Variants in TMEM108 observed in about 807,000 individuals in gnomAD.
TMEM108 encodes the protein cancer/testis antigen 124.
TMEM108 carries 12 observed loss-of-function variants against 35.1 expected under a neutral mutation model. The ratio of observed to expected loss-of-function variants is 0.34; its 90% CI spans 0.22 to 0.55. TMEM108 has a LOEUF of 0.55. TMEM108 is among the 20% of genes least tolerant of loss of function. The pLI is 0.89. For missense variants in TMEM108, 680 were observed against 753.3 expected (o/e 0.90, Z 1.14); for synonymous variants, 287 against 308.6 (o/e 0.93, Z 0.73).
intron 3 of TMEM108, among the ~76,000 whole-genome samples, chr3:133,321,749 A>G (rs991801818): frequency 2.6e-5 from 4 of 152,168 alleles, no homozygotes; most frequent in Non-Finnish European, 4.4e-5. Context: ...ATCACATGGA[A>G]CATTCTCCAA....
rs78901348 is a variant in TMEM108, at chr3:133,135,387, G to A, written c.-47+89367G>A. Among the ~76,000 whole-genome samples the A allele has an allele frequency of 1.7e-3, 260 of 152,266 alleles. 1 individual carries two copies. The highest frequency in any genetic ancestry group is 5.7e-3 in the African/African-American group (236 of 41,544). ...ACTAACTCTAGAGAGTGAGGAGAGCGTCTCAGGAACAATAAGTGTACATTA... is the reference window on the plus strand; with the variant it reads ...ACTAACTCTAGAGAGTGAGGAGAGCATCTCAGGAACAATAAGTGTACATTA... On this transcript the variant is annotated intron_variant, in intron 2 of 5. Transcript: ENST00000321871.
chr3:133,241,921 G>A (rs903500255), intron 3 of TMEM108, among the ~76,000 whole-genome samples: 2 of 152,036 alleles, frequency 1.3e-5, no homozygotes, highest in African/African-American at 4.8e-5. Context: ...GCCTCCTGTG[G>A]CTTCTACAAC....
At position 133,363,702 on chromosome 3, in the gene TMEM108, G is replaced by A. The variant is rs145498185; in HGVS notation, c.41-16050G>A. 2.6e-3 allele frequency among the ~76,000 whole-genome samples: 397 copies of A among 152,066 alleles called. 1 individual carries two copies. Among genetic ancestry groups the A allele is most frequent in the African/African-American group, 8.6e-3 (358 of 41,478 alleles). On this transcript the variant is annotated intron_variant, in intron 3 of 5. Coordinates refer to ENST00000321871, the MANE Select transcript of TMEM108 (RefSeq NM_023943.4). The stretch of plus-strand genomic sequence containing the variant: ...GTTATAAGCATAAGCAACTGCTCCC[G>A]GCCTGTTATTATTTTTATAGCAAAG...
In TMEM108 at chr3:133,176,485, G is replaced by A. The variant is rs531266271; in HGVS notation, c.-46-52781G>A. Among the ~76,000 whole-genome samples, 14 of 152,310 alleles carry A rather than the reference G, an allele frequency of 9.2e-5. No individual in the cohort carries two copies. The South Asian group carries it at 2.3e-3, about 25-fold the overall frequency. On this transcript the variant is annotated intron_variant, in intron 2 of 5. Transcript: ENST00000321871. ...ACATTGTCTCTCAGACCACAGTGCA[G>A]TCAAACTAGAACTCAGGATTCAGAA...
At chr3:133,249,637 GT>G (rs1333924757) in intron 3 of TMEM108, among the ~76,000 whole-genome samples, 1 of 152,148 alleles carries the variant, frequency 6.6e-6, no homozygotes, top group Non-Finnish European at 1.5e-5. Context: ...AGAGGACATG[GT>G]TTTATTCTTT....
chr3:133,227,351 G>A lies in TMEM108; in HGVS notation c.-46-1915G>A, dbSNP rs1201605710. On this transcript the variant is annotated intron_variant, in intron 2 of 5. Coordinates refer to ENST00000321871, the MANE Select transcript of TMEM108 (RefSeq NM_023943.4). ...TGGGACTACAGGCGCCCACCACCTC[G>A]CCCGGCTAATTTTTTGTATTTTTAG... Among the ~76,000 whole-genome samples, 54 of 150,476 alleles carry A rather than the reference G, an allele frequency of 3.6e-4. No individual in the cohort carries two copies. The Middle Eastern group carries it at 0.014, about 38-fold the overall frequency.
chr3:133,056,240 A>T (rs982698001), intron 2 of TMEM108, among the ~76,000 whole-genome samples: 1 of 146,974 alleles, frequency 6.8e-6, no homozygotes. Flanking sequence ...TACTCTTTCT[A>T]TGCGCAAACA....
chr3:133,234,876 T>C (rs984389065), intron 3 of TMEM108, among the ~76,000 whole-genome samples: 2 of 152,200 alleles, frequency 1.3e-5, no homozygotes, highest in Admixed American at 1.3e-4. Flanking sequence ...GCCCAAAATC[T>C]GCTTAAGCTG....
intron 3 of TMEM108, among the ~76,000 whole-genome samples, chr3:133,349,015 A>G (rs2071906442): frequency 6.6e-6 from 1 of 152,166 alleles, no homozygotes; most frequent in Non-Finnish European, 1.5e-5. Context: ...TCTAGCCTTG[A>G]CATATTAAAA....
intron 2 of TMEM108, among the ~76,000 whole-genome samples, chr3:133,092,736 C>T (rs1943964971): frequency 6.6e-6 from 1 of 152,122 alleles, no homozygotes; most frequent in African/African-American, 2.4e-5. Context: ...TAACCATTGC[C>T]TATTGTGGGA....
At chr3:133,307,458 C>T (rs1478676921) in intron 3 of TMEM108, among the ~76,000 whole-genome samples, 1 of 152,124 alleles carries the variant, frequency 6.6e-6, no homozygotes, top group Non-Finnish European at 1.5e-5. Context: ...TGCCTGTGTC[C>T]TGAATGGTAT....
intron 3 of TMEM108, among the ~76,000 whole-genome samples, chr3:133,370,871 AGTGTGTGTGTGTGTGTGTGTGTGTGTGT>A (rs71624013): frequency 2.4e-5 from 3 of 125,466 alleles, no homozygotes; most frequent in Admixed American, 8.3e-5. Flanking sequence ...CCCAGCCCAT[AGTGTGTGTGTGTGTGTGTGTGTGTGTGT>A]GTGTGTGTGT....
intron 2 of TMEM108, among the ~76,000 whole-genome samples, chr3:133,109,574 C>T (rs1944201314): frequency 2.0e-5 from 3 of 152,156 alleles, no homozygotes; most frequent in South Asian, 2.1e-4. Context: ...CAGAGATATT[C>T]CTTGGAAACT....
chr3:133,379,394 G>A (rs1053065185), intron 3 of TMEM108, among the ~76,000 whole-genome samples: 2 of 152,234 alleles, frequency 1.3e-5, no homozygotes, highest in African/African-American at 4.8e-5. Flanking sequence ...AGAGGCAGAT[G>A]TGGAGGCCAC....
intron 3 of TMEM108, among the ~76,000 whole-genome samples, chr3:133,327,380 A>G (rs1422688137): frequency 6.6e-6 from 1 of 152,188 alleles, no homozygotes; most frequent in Non-Finnish European, 1.5e-5. Flanking sequence ...AGAAGTATGT[A>G]AATACCAGTT....
At chr3:133,342,939 T>C (rs968604429) in intron 3 of TMEM108, among the ~76,000 whole-genome samples, 2 of 151,678 alleles carry the variant, frequency 1.3e-5, no homozygotes, top group African/African-American at 2.4e-5. Context: ...AAAGAAATGA[T>C]AGATGTTTGA....
intron 3 of TMEM108, among the ~76,000 whole-genome samples, chr3:133,270,794 TACAC>T (rs71624011): frequency 0.22 from 33,169 of 148,220 alleles, 4,146 homozygotes; most frequent in Middle Eastern, 0.32. Context: ...TCGAAGAATG[TACAC>T]ACACACACAC....
Position 133,226,964 on chromosome 3 carries a change from G to T in TMEM108, c.-46-2302G>T, listed in dbSNP as rs374073190. ...TGGCAGGCAAAGAGAGAGAGCTTGT[G>T]CAGGGAAACTCCCATTTTTAAAACC... is the stretch of plus-strand genomic sequence containing the variant. On this transcript the variant is annotated intron_variant, in intron 2 of 5. Coordinates refer to ENST00000321871, the MANE Select transcript of TMEM108 (RefSeq NM_023943.4). Among the ~76,000 whole-genome samples, 10 of 152,116 alleles carry T rather than the reference G, an allele frequency of 6.6e-5. No homozygotes were observed. In the East Asian group the frequency reaches 1.9e-3, roughly 29 times the overall value.
At chr3:133,183,578 G>T (rs1291851820) in intron 2 of TMEM108, among the ~76,000 whole-genome samples, 1 of 152,162 alleles carries the variant, frequency 6.6e-6, no homozygotes, top group East Asian at 1.9e-4. Flanking sequence ...AGAATGAAAA[G>T]GGGGTAGAAG....
Sources: gnomAD v4.1 joint callset for allele counts (sites outside exome capture counted in the v4.1 genomes callset) on GRCh38, gnomAD v4.1.1 for gene constraint, MANE v1.5 for transcripts, NCBI Gene and HGNC (gene_info 2026-07-23, HGNC 2026-07-21) for gene names.